PALM: variants seen among roughly 807,000 people sequenced by gnomAD.
The protein encoded by PALM is paralemmin.
In PALM, 18 loss-of-function variants were observed where a neutral mutation model predicts 30.7. The ratio of observed to expected loss-of-function variants is 0.59; its 90% CI spans 0.41 to 0.87. The LOEUF is 0.87. PALM is among the 40% of genes least tolerant of loss of function. The pLI, the probability that PALM is intolerant of heterozygous loss-of-function variation, is 0.00. For synonymous variants in PALM, 286 were observed against 242.8 expected (o/e 1.18, Z -1.66); for missense variants, 529 against 555.4 (o/e 0.95, Z 0.48).
chr19:727,591 C>T lies in PALM; in HGVS notation c.166C>T (p.Leu56=), dbSNP rs1347154908. 4.4e-6 allele frequency: 7 copies of T among 1,588,432 alleles called. No individual in the cohort carries two copies. The highest frequency in any genetic ancestry group is 1.8e-5 in the Admixed American group (1 of 55,352). Residue 56 remains leucine (L), a synonymous_variant, in exon 4 of 9, where the codon CTG becomes TTG. Coordinates refer to ENST00000338448, the MANE Select transcript of PALM (RefSeq NM_002579.3). The stretch of plus-strand genomic sequence containing the variant: ...CAAGGCACTGCGGGAGCGCTGGCTG[C>T]TGGAGGGGACGCCGTCCTCGGCCTC... ...KSKALRERWL[L]EGTPSSASEG... is the part of the protein sequence containing the mutation.
intron 6 of PALM, 91 bp downstream of exon 6, chr19:734,285 CT>C (rs763819120): frequency 4.0e-5 from 51 of 1,262,900 alleles, no homozygotes; most frequent in Non-Finnish European, 3.5e-5. Flanking sequence ...TACAAAGTTG[CT>C]CGGTGCCTCA....
rs1194302062 is a variant in PALM, at chr19:726,203, G to C, written c.57+14G>C. 6 of 1,611,446 alleles carry C rather than the reference G, an allele frequency of 3.7e-6. No individual in the cohort carries two copies. The highest frequency in any genetic ancestry group is 5.1e-6 in the Non-Finnish European group (6 of 1,178,544). On this transcript the variant is annotated intron_variant, in intron 2 of 8. Coordinates refer to ENST00000338448, the MANE Select transcript of PALM (RefSeq NM_002579.3). ...CAGGCCATCGCAGTGAGTTTCCGCC[G>C]CCCCGCAGACGGTGTGGTCAGGGTG...
intron 1 of PALM, among the ~76,000 whole-genome samples, chr19:712,612 T>C (rs990216603): frequency 2.0e-5 from 3 of 151,918 alleles, no homozygotes; most frequent in African/African-American, 7.3e-5. Context: ...CTCAATCTCC[T>C]GACCTTGTGA....
At chr19:744,638 A>C (rs1330595431) in intron 8 of PALM, among the ~76,000 whole-genome samples, 2 of 152,174 alleles carry the variant, frequency 1.3e-5, no homozygotes, top group African/African-American at 4.8e-5. Flanking sequence ...TCACACCTGT[A>C]ATCCCAGCAC....
chr19:729,092 C>T (rs931413159), intron 4 of PALM, among the ~76,000 whole-genome samples: 10 of 151,870 alleles, frequency 6.6e-5, no homozygotes, highest in East Asian at 1.9e-4. Flanking sequence ...TTTGGGAGGC[C>T]GAGGCAGGAG....
In PALM at chr19:734,157, CTCTT is replaced by C. The variant is rs775236161; in HGVS notation, c.421-15_421-12del. 5.0e-6 allele frequency: 8 copies of C among 1,613,830 alleles called. No homozygotes were observed. The highest frequency in any genetic ancestry group is 5.9e-6 in the Non-Finnish European group (7 of 1,179,912). ...GGATGCTGACGCCCCTGACCCTTCT[CTCTT>C]CTTTCTTGCAGACGCCGGTGGGCAC... On this transcript the variant is annotated splice_polypyrimidine_tract_variant and intron_variant, in intron 5 of 8. Transcript: ENST00000338448.
intron 4 of PALM, among the ~76,000 whole-genome samples, chr19:730,093 C>T (rs1458265017): frequency 6.6e-6 from 1 of 152,228 alleles, no homozygotes; most frequent in Non-Finnish European, 1.5e-5. Context: ...TGCTCTGGGT[C>T]TCCACTACCC....
intron 1 of PALM, among the ~76,000 whole-genome samples, chr19:718,137 G>A (rs911057817): frequency 6.6e-5 from 10 of 152,238 alleles, no homozygotes; most frequent in South Asian, 4.1e-4. Flanking sequence ...AGCCGAGATC[G>A]CGCCACCGCA....
chr19:738,401 C>T (rs2033086207), intron 7 of PALM, among the ~76,000 whole-genome samples: 1 of 152,106 alleles, frequency 6.6e-6, no homozygotes, highest in Non-Finnish European at 1.5e-5. Context: ...TGGCAGGTGC[C>T]TGTAATCCCA....
intron 7 of PALM, 40 bp downstream of exon 7, chr19:736,118 C>A (rs748137059): frequency 8.5e-6 from 11 of 1,290,196 alleles, no homozygotes; most frequent in Non-Finnish European, 1.1e-5. Context: ...GATCCAGCCG[C>A]TGTCAGGGAC....
At chr19:726,957 G>GGGGGGGT in intron 2 of PALM, 51 bp from the exon 3 acceptor site, 1 of 1,109,142 alleles carries the variant, frequency 9.0e-7, no homozygotes. Flanking sequence ...GGGTGGGGGG[G>GGGGGGGT]TCTCCGGGAC....
Position 718,425 on chromosome 19 carries a change from G to A in PALM, c.6-7713G>A, listed in dbSNP as rs1036490755. Among the ~76,000 whole-genome samples the A allele has an allele frequency of 5.9e-5, 9 of 152,266 alleles. No homozygotes were observed. The South Asian group carries it at 1.2e-3, about 21-fold the overall frequency. On this transcript the variant is annotated intron_variant, in intron 1 of 8. Coordinates refer to ENST00000338448, the MANE Select transcript of PALM (RefSeq NM_002579.3). ...AGGAGTGTGGCTGGAGTGCAGTCGC[G>A]TGGGGAGGGACCATGGGGCCTCTGC...
At chr19:738,943 G>A (rs887624760) in intron 7 of PALM, among the ~76,000 whole-genome samples, 6 of 152,190 alleles carry the variant, frequency 3.9e-5, no homozygotes, top group East Asian at 1.9e-4. Context: ...AGGCTGGGCC[G>A]CACCTGGGGT....
chr19:721,680 TTC>T (rs1268661094), intron 1 of PALM, among the ~76,000 whole-genome samples: 1 of 147,806 alleles, frequency 6.8e-6, no homozygotes, highest in Non-Finnish European at 1.5e-5. Context: ...TCACCGTGAC[TTC>T]TGCCTCCCAG....
At chr19:730,234 G>C (rs534437213) in intron 4 of PALM, among the ~76,000 whole-genome samples, 3 of 152,162 alleles carry the variant, frequency 2.0e-5, no homozygotes, top group African/African-American at 7.2e-5. Context: ...CTTCTGGTTG[G>C]AGGGGACACA....
At chr19:723,584 T>C (rs2032565260) in intron 1 of PALM, among the ~76,000 whole-genome samples, 1 of 151,818 alleles carries the variant, frequency 6.6e-6, no homozygotes, top group African/African-American at 2.4e-5. Flanking sequence ...GCGTTTTTCT[T>C]TTTGTTGTTT....
chr19:744,851 G>T (rs182362103), intron 8 of PALM, among the ~76,000 whole-genome samples: 1 of 147,512 alleles, frequency 6.8e-6, no homozygotes, highest in African/African-American at 2.5e-5. Context: ...CTGAGACTGC[G>T]CCACTGCACT....
rs892235378 is a variant in PALM at position 709,727 on chromosome 19, T to TCGGCTTCC, written c.5+580_5+587dup. Among the ~76,000 whole-genome samples the TCGGCTTCC allele has an allele frequency of 1.3e-5, 2 of 152,040 alleles. No individual in the cohort carries two copies. Among genetic ancestry groups the TCGGCTTCC allele is most frequent in the Non-Finnish European group, 2.9e-5 (2 of 67,982 alleles). On this transcript the variant is annotated intron_variant, in intron 1 of 8. Coordinates refer to ENST00000338448, the MANE Select transcript of PALM (RefSeq NM_002579.3). The surrounding 1 kb of genome is among the most constrained non-coding windows in gnomAD (Gnocchi z 4.3). ...ACCGCTGGAGGGAGAGGGGCTGCCC[T>TCGGCTTCC]CGGCTTCCCGGGTCTCTGGGGTGTG...
At chr19:729,358 C>G (rs1395477740) in intron 4 of PALM, among the ~76,000 whole-genome samples, 1 of 149,872 alleles carries the variant, frequency 6.7e-6, no homozygotes, top group Admixed American at 6.7e-5. Context: ...TGGGGCAGTT[C>G]TGGTGGGTTT....
Sources: gnomAD v4.1 joint callset for allele counts (sites outside exome capture counted in the v4.1 genomes callset) on GRCh38, gnomAD v4.1.1 for gene constraint, Gnocchi (gnomAD v3.1) non-coding constraint, MANE v1.5 for transcripts, NCBI Gene and HGNC (gene_info 2026-07-23, HGNC 2026-07-21) for gene names.